The following AUTS2 variants were observed in gnomAD, a reference collection of about 807,000 sequenced individuals.
The protein encoded by AUTS2 is activator of transcription and developmental regulator AUTS2.
Under a neutral mutation model 112.4 loss-of-function variants are expected in AUTS2, and 17 were observed. The observed-to-expected ratio is 0.15, with a 90% CI of 0.10 to 0.23. The LOEUF (loss-of-function observed/expected upper bound fraction) is 0.23, where lower values mean the gene tolerates loss of function less well. Ranked by LOEUF, AUTS2 falls within the 10% of genes least tolerant of loss-of-function variation. The pLI is 1.00. For missense variants in AUTS2, 1,510 were observed against 1,701.6 expected, an observed-to-expected ratio of 0.89 and a Z score of 1.98; for synonymous variants, 751 against 702.7, an observed-to-expected ratio of 1.07 and a Z score of -1.09.
chr7:70,312,220 T>C (rs1448076604), intron 4 of AUTS2, among the ~76,000 whole-genome samples: 1 of 152,198 alleles, frequency 6.6e-6, no homozygotes, highest in African/African-American at 2.4e-5. Flanking sequence ...GTGCTTTTTC[T>C]GTGTGTGATT....
At position 70,323,556 on chromosome 7, in the gene AUTS2, G is replaced by A. The variant is rs1361239659; in HGVS notation, c.661-112196G>A. Among the ~76,000 whole-genome samples the A allele has an allele frequency of 3.3e-5, 5 of 152,158 alleles. No homozygotes were observed. In the East Asian group the frequency reaches 7.7e-4, roughly 23 times the overall value. ...AAATGGGTTATGATTTTCTAAAGAG[G>A]AAATTCTTCTGTTTGACCTAGATGT... On this transcript the variant is annotated intron_variant, in intron 4 of 18. Coordinates refer to ENST00000342771, the MANE Select transcript of AUTS2 (RefSeq NM_015570.4).
chr7:70,472,527 A>G (rs1233448085), intron 5 of AUTS2, among the ~76,000 whole-genome samples: 1 of 152,152 alleles, frequency 6.6e-6, no homozygotes, highest in Non-Finnish European at 1.5e-5. Context: ...TATGTACACT[A>G]TATTTGCATG....
chr7:69,817,505 G>A (rs1032379255), intron 1 of AUTS2, among the ~76,000 whole-genome samples: 1 of 152,284 alleles, frequency 6.6e-6, no homozygotes, highest in Middle Eastern at 3.4e-3. Context: ...ACAGTTGGAG[G>A]ACTGTTCAAG....
At position 70,376,414 on chromosome 7, in the gene AUTS2, AT is replaced by A. The variant is rs564535552; in HGVS notation, c.661-59334del. 1.9e-3 allele frequency among the ~76,000 whole-genome samples: 292 copies of A among 152,134 alleles called. 2 individuals carry two copies. Among genetic ancestry groups the A allele is most frequent in the Middle Eastern group, 0.014 (4 of 294 alleles). On this transcript the variant is annotated intron_variant, in intron 4 of 18. Coordinates refer to ENST00000342771, the MANE Select transcript of AUTS2 (RefSeq NM_015570.4). ...CAACACTTTAAAAATGCAAAAACTC[AT>A]TTTAATTTACAGGTTGTATAAAAAT...
intron 5 of AUTS2, among the ~76,000 whole-genome samples, chr7:70,607,494 G>A (rs547765915): frequency 6.6e-5 from 10 of 152,292 alleles, no homozygotes; most frequent in African/African-American, 1.7e-4. Context: ...CGATGCAGAC[G>A]AGATGACTGG....
intron 2 of AUTS2, among the ~76,000 whole-genome samples, chr7:69,919,490 G>T (rs942425110): frequency 3.3e-5 from 5 of 152,168 alleles, no homozygotes; most frequent in Non-Finnish European, 5.9e-5. Context: ...AAGGAAGGGG[G>T]CAGTTTTATT....
At chr7:69,730,131 T>A (rs1428153504) in intron 1 of AUTS2, among the ~76,000 whole-genome samples, 2 of 151,318 alleles carry the variant, frequency 1.3e-5, no homozygotes, top group African/African-American at 4.8e-5. Context: ...TGTGTGCCAC[T>A]GCACTTGGCA....
chr7:70,728,180 T>A (rs1051003836), intron 6 of AUTS2, among the ~76,000 whole-genome samples: 2 of 152,036 alleles, frequency 1.3e-5, no homozygotes, highest in Admixed American at 6.6e-5. Flanking sequence ...ATAAAAAAAT[T>A]GTTTGCTTTG....
intron 1 of AUTS2, among the ~76,000 whole-genome samples, chr7:69,623,254 G>A (rs1246366907): frequency 6.6e-6 from 1 of 151,958 alleles, no homozygotes; most frequent in Non-Finnish European, 1.5e-5. Context: ...ACAAGGTCTC[G>A]TTCTGTCACC....
intron 4 of AUTS2, among the ~76,000 whole-genome samples, chr7:70,413,191 T>C (rs1794847420): frequency 6.6e-6 from 1 of 152,182 alleles, no homozygotes; most frequent in Non-Finnish European, 1.5e-5. Flanking sequence ...AGCAAATCTT[T>C]GCTCATCTTC....
chr7:70,084,671 A>G (rs1414817284), intron 2 of AUTS2, among the ~76,000 whole-genome samples: 1 of 152,042 alleles, frequency 6.6e-6, no homozygotes, highest in Non-Finnish European at 1.5e-5. Context: ...TTTCATCTGT[A>G]TATCTTTTTT....
intron 5 of AUTS2, among the ~76,000 whole-genome samples, chr7:70,685,472 C>CAAAAAAAAAAAAAA (rs34403837): frequency 7.6e-5 from 5 of 65,966 alleles, no homozygotes; most frequent in African/African-American, 1.1e-4. Flanking sequence ...GACTCTGTCT[C>CAAAAAAAAAAAAAA]AAAAAAAAAA....
intron 5 of AUTS2, among the ~76,000 whole-genome samples, chr7:70,447,930 A>G (rs982778491): frequency 3.3e-5 from 5 of 152,206 alleles, no homozygotes; most frequent in Non-Finnish European, 7.3e-5. Context: ...CACTCTGGCA[A>G]ATGCTTTATT....
chr7:70,154,687 A>G (rs1344472221), intron 4 of AUTS2, among the ~76,000 whole-genome samples: 1 of 152,224 alleles, frequency 6.6e-6, no homozygotes, highest in Non-Finnish European at 1.5e-5. Flanking sequence ...TGTAGGTTGT[A>G]CAAACAATGC....
At chr7:70,715,314 C>G (rs529892875) in intron 6 of AUTS2, among the ~76,000 whole-genome samples, 8 of 152,190 alleles carry the variant, frequency 5.3e-5, no homozygotes, top group African/African-American at 1.9e-4. Context: ...ATTGGAGGGA[C>G]AAAATATCTA....
At chr7:70,726,816 G>A (rs991805402) in intron 6 of AUTS2, among the ~76,000 whole-genome samples, 8 of 152,144 alleles carry the variant, frequency 5.3e-5, no homozygotes, top group African/African-American at 9.7e-5. Flanking sequence ...TGGATCTGGC[G>A]CTTTTGTTCT....
chr7:69,660,062 T>C (rs1478653155), intron 1 of AUTS2, among the ~76,000 whole-genome samples: 1 of 152,224 alleles, frequency 6.6e-6, no homozygotes, highest in Non-Finnish European at 1.5e-5. Context: ...TGGTAGTATG[T>C]GCCCCATCCT....
intron 4 of AUTS2, among the ~76,000 whole-genome samples, chr7:70,279,905 T>C (rs989585237): frequency 2.0e-5 from 3 of 152,198 alleles, no homozygotes; most frequent in Admixed American, 6.5e-5. Context: ...GTAAGAGTTA[T>C]ATAATATAGC....
At chr7:69,692,753 G>A (rs539060607) in intron 1 of AUTS2, among the ~76,000 whole-genome samples, 3 of 152,266 alleles carry the variant, frequency 2.0e-5, no homozygotes, top group East Asian at 1.9e-4. Flanking sequence ...TTTGGCCCAC[G>A]TCTTCTAACA....
Sources: allele counts gnomAD v4.1 joint callset (sites outside exome capture counted in the v4.1 genomes callset), GRCh38; gene constraint gnomAD v4.1.1; transcripts MANE v1.5; gene names NCBI Gene and HGNC (gene_info 2026-07-23, HGNC 2026-07-21).